RGS7: variants seen among roughly 807,000 people sequenced by gnomAD.
RGS7 encodes the protein regulator of G protein signaling 7.
In RGS7, 27 loss-of-function variants were observed where a neutral mutation model predicts 81.1. The observed-to-expected ratio is 0.33, with a 90% CI of 0.25 to 0.46. The LOEUF (loss-of-function observed/expected upper bound fraction) is 0.46, where lower values mean the gene tolerates loss of function less well. Ranked by LOEUF, RGS7 falls within the 20% of genes least tolerant of loss-of-function variation. RGS7 has a pLI of 1.00. For missense variants in RGS7, 396 were observed against 607.4 expected, an observed-to-expected ratio of 0.65 and a Z score of 3.66; for synonymous variants, 208 against 207.7, an observed-to-expected ratio of 1.00 and a Z score of -0.01.
intron 6 of RGS7, among the ~76,000 whole-genome samples, chr1:240,922,053 A>C (rs907296767): frequency 2.6e-5 from 4 of 152,048 alleles, no homozygotes; most frequent in African/African-American, 4.8e-5. Context: ...GAAAAAAAAT[A>C]AATCAAGGAA....
chr1:241,162,222 G>GCGCCCCCCCCCCCCCC (rs68166816), intron 2 of RGS7, among the ~76,000 whole-genome samples: 1 of 142,148 alleles, frequency 7.0e-6, no homozygotes, highest in African/African-American at 2.6e-5. Context: ...CTGGTGATCA[G>GCGCCCCCCCCCCCCCC]CTTCCAAATA....
intron 2 of RGS7, among the ~76,000 whole-genome samples, chr1:241,349,881 C>T (rs1015968358): frequency 6.6e-6 from 1 of 152,192 alleles, no homozygotes; most frequent in African/African-American, 2.4e-5. Context: ...CTGCAGTGAT[C>T]ACATTCTGTC....
chr1:240,958,944 T>C (rs1157950580), intron 4 of RGS7, among the ~76,000 whole-genome samples: 1 of 152,242 alleles, frequency 6.6e-6, no homozygotes. Flanking sequence ...ATAAAGATCT[T>C]GAAAGACAGG....
chr1:240,804,526 T>G (rs1232333848), intron 15 of RGS7, among the ~76,000 whole-genome samples: 6 of 150,090 alleles, frequency 4.0e-5, no homozygotes, highest in African/African-American at 1.5e-4. Context: ...AGTGGTATTG[T>G]TTTCTATAGA....
In RGS7 at chr1:240,924,335, G is replaced by A. The variant is rs72756856; in HGVS notation, c.385+6382C>T. On this transcript the variant is annotated intron_variant, in intron 6 of 18. Coordinates refer to ENST00000440928, the MANE Select transcript of RGS7 (RefSeq NM_001364886.1). Reference sequence around the variant, plus strand: ...GAACTTCATCTTGTCTAGTTGTTTGGGAGCACTAGCTACAGTCTTTCTCCA... The same window carrying A: ...GAACTTCATCTTGTCTAGTTGTTTGAGAGCACTAGCTACAGTCTTTCTCCA... 2.5e-3 allele frequency among the ~76,000 whole-genome samples: 373 copies of A among 152,100 alleles called. 2 individuals are homozygous for A. Among genetic ancestry groups the A allele is most frequent in the Admixed American group, 4.3e-3 (66 of 15,262 alleles).
chr1:241,207,781 G>A (rs1191077174), intron 2 of RGS7, among the ~76,000 whole-genome samples: 3 of 152,038 alleles, frequency 2.0e-5, no homozygotes, highest in African/African-American at 7.2e-5. Context: ...AACTACCTTC[G>A]AATGAAACAT....
chr1:241,284,083 C>T (rs10926453), intron 2 of RGS7, among the ~76,000 whole-genome samples: 48,543 of 151,820 alleles, frequency 0.32, 8,970 homozygotes, highest in East Asian at 0.54. Flanking sequence ...TTTTTCATGG[C>T]TCCTTTAAAA....
intron 3 of RGS7, among the ~76,000 whole-genome samples, chr1:241,052,884 C>G (rs1021231200): frequency 6.6e-6 from 1 of 151,870 alleles, no homozygotes; most frequent in African/African-American, 2.4e-5. Flanking sequence ...TCATGTCATC[C>G]GTGTGCCAGA....
In RGS7 at chr1:240,868,833, T is replaced by C; in HGVS notation, c.470A>G (p.Gln157Arg). ...CTCCCACTTCCGGGCAAATGCTCTC[T>C]GCAGCCTGGCCAGGCTCTCCTGAAA... ...DYEAESLARL[Q>R]RAFARKWEFI... Residue 157 changes from glutamine (Q) to arginine (R), a missense_variant, in exon 8 of 19, where the codon CAG becomes CGG. By Grantham distance (43) the Gln-to-Arg change is conservative (BLOSUM62 1). Transcript: ENST00000440928. The surrounding 1 kb of genome is among the most constrained non-coding windows in gnomAD (Gnocchi z 5.1). 1 of 1,614,094 alleles carries C rather than the reference T, an allele frequency of 6.2e-7. No individual in the cohort carries two copies. The highest frequency in any genetic ancestry group is 2.2e-5 in the East Asian group (1 of 44,848).
chr1:240,787,877 C>T (rs919204521), intron 18 of RGS7, among the ~76,000 whole-genome samples: 1 of 152,136 alleles, frequency 6.6e-6, no homozygotes, highest in South Asian at 2.1e-4. Context: ...TTATTTTAAG[C>T]CCCAAATGAC....
At chr1:240,963,824 T>C (rs1160883832) in intron 4 of RGS7, among the ~76,000 whole-genome samples, 1 of 152,162 alleles carries the variant, frequency 6.6e-6, no homozygotes, top group Non-Finnish European at 1.5e-5. Flanking sequence ...CCTATACAGA[T>C]ATGGCTGGTT....
At chr1:241,304,218 C>T (rs992386213) in intron 2 of RGS7, among the ~76,000 whole-genome samples, 4 of 152,122 alleles carry the variant, frequency 2.6e-5, no homozygotes, top group African/African-American at 9.7e-5. Flanking sequence ...GGACTACAAG[C>T]CTGTGCCTAA....
chr1:241,236,874 TAGGAGTA>T (rs1430343346), intron 2 of RGS7, among the ~76,000 whole-genome samples: 1 of 152,222 alleles, frequency 6.6e-6, no homozygotes, highest in Non-Finnish European at 1.5e-5. Context: ...GTGTACATTC[TAGGAGTA>T]AAACCTATGC....
intron 2 of RGS7, among the ~76,000 whole-genome samples, chr1:241,312,201 C>T (rs2080573717): frequency 6.6e-6 from 1 of 152,090 alleles, no homozygotes; most frequent in Non-Finnish European, 1.5e-5. Context: ...TGTGTCAGGC[C>T]CCATTCTAGG....
At chr1:241,215,857 T>C (rs1194731500) in intron 2 of RGS7, among the ~76,000 whole-genome samples, 6 of 152,252 alleles carry the variant, frequency 3.9e-5, no homozygotes, top group Admixed American at 3.3e-4. Context: ...CTTAATCTTA[T>C]ACAAGCACTT....
intron 3 of RGS7, among the ~76,000 whole-genome samples, chr1:240,992,787 G>A (rs956057964): frequency 2.7e-5 from 4 of 150,416 alleles, no homozygotes; most frequent in South Asian, 2.1e-4. Flanking sequence ...GAATGATCAC[G>A]AGGTCAGGAG....
intron 2 of RGS7, among the ~76,000 whole-genome samples, chr1:241,131,112 A>G (rs1031067464): frequency 6.6e-6 from 1 of 152,034 alleles, no homozygotes; most frequent in Admixed American, 6.6e-5. Context: ...AATGAGTAAA[A>G]TGTGTTTTTC....
At chr1:241,133,054 G>A (rs557633314) in intron 2 of RGS7, among the ~76,000 whole-genome samples, 8 of 152,182 alleles carry the variant, frequency 5.3e-5, no homozygotes, top group East Asian at 3.9e-4. Context: ...GAGCCACTGC[G>A]CCCGGCAATT....
intron 2 of RGS7, among the ~76,000 whole-genome samples, chr1:241,123,907 G>T (rs978252565): frequency 6.6e-6 from 1 of 152,210 alleles, no homozygotes; most frequent in African/African-American, 2.4e-5. Context: ...TTAGAAGAGG[G>T]CCTGCCCCTG....
Sources: gnomAD v4.1 joint callset for allele counts (sites outside exome capture counted in the v4.1 genomes callset) on GRCh38, gnomAD v4.1.1 for gene constraint, Gnocchi (gnomAD v3.1) non-coding constraint, MANE v1.5 for transcripts, NCBI Gene and HGNC (gene_info 2026-07-23, HGNC 2026-07-21) for gene names.